NRG2: variants seen among roughly 807,000 people sequenced by gnomAD.
The protein encoded by NRG2 is neuregulin 2.
A neutral mutation model predicts 73.9 loss-of-function variants in NRG2; 27 were observed. The observed-to-expected ratio is 0.37, with a 90% CI of 0.27 to 0.50. The LOEUF (loss-of-function observed/expected upper bound fraction) is 0.50, where lower values mean the gene tolerates loss of function less well. Ranked by LOEUF, NRG2 falls within the 20% of genes least tolerant of loss-of-function variation. NRG2 has a pLI of 0.96. For missense variants in NRG2, 1,126 were observed against 1,210.1 expected, an observed-to-expected ratio of 0.93 and a Z score of 1.03; for synonymous variants, 532 against 541.0, an observed-to-expected ratio of 0.98 and a Z score of 0.23.
At position 139,848,505 on chromosome 5, in the gene NRG2, G is replaced by C. The variant is rs1384458603; in HGVS notation, c.1965C>G (p.Gly655=). 2 of 1,377,338 alleles carry C rather than the reference G, an allele frequency of 1.5e-6. No homozygotes were observed. The highest frequency in any genetic ancestry group is 1.9e-6 in the Non-Finnish European group (2 of 1,078,192). 85.3% of individuals were successfully genotyped at this position (1,377,338 alleles called of 1,614,324 possible). ...GCCCGGGCCCGGGTCCGGGTCCCGG[G>C]CCGGGGGGCGCCGGGTGCCGCAGTA... ...QPLLRHPAPP[G]PGPGPGPGPG... Residue 655 remains glycine (G), a synonymous_variant, in exon 10 of 10, where the codon GGC becomes GGG. Coordinates refer to ENST00000361474, the MANE Select transcript of NRG2 (RefSeq NM_004883.3).
In NRG2 at chr5:140,008,364, G is replaced by T. The variant is rs114108563; in HGVS notation, c.700+34006C>A. ...ATAGCTGACCACACAACTGTTTGCTGCATTTATTCAACAAATATTTATTGA... is the reference window on the plus strand; with the variant it reads ...ATAGCTGACCACACAACTGTTTGCTTCATTTATTCAACAAATATTTATTGA... On this transcript the variant is annotated intron_variant, in intron 1 of 9. Coordinates refer to ENST00000361474, the MANE Select transcript of NRG2 (RefSeq NM_004883.3). The surrounding 1 kb of genome is among the most constrained non-coding windows in gnomAD (Gnocchi z 4.2). Among the ~76,000 whole-genome samples the T allele has an allele frequency of 9.5e-4, 145 of 152,282 alleles. 1 individual carries two copies. Among genetic ancestry groups the T allele is most frequent in the African/African-American group, 3.2e-3 (133 of 41,558 alleles).
chr5:139,858,952 C>T (rs1581784717), intron 5 of NRG2, among the ~76,000 whole-genome samples: 1 of 152,116 alleles, frequency 6.6e-6, no homozygotes, highest in Admixed American at 6.5e-5. Context: ...GCTAGGAGGC[C>T]TCCCCAAATC....
At chr5:139,938,949 GAAAGAAAGAAAA>G (rs1753131068) in intron 1 of NRG2, among the ~76,000 whole-genome samples, 6 of 105,226 alleles carry the variant, frequency 5.7e-5, no homozygotes, top group South Asian at 3.2e-4. Flanking sequence ...AAGAAAGAAA[GAAAGAAAGAAAA>G]AAGAAGGAAG....
At chr5:140,033,895 A>G (rs1187086717) in intron 1 of NRG2, among the ~76,000 whole-genome samples, 2 of 152,196 alleles carry the variant, frequency 1.3e-5, no homozygotes, top group Non-Finnish European at 2.9e-5. Flanking sequence ...TTCATTTTAC[A>G]GGAAACTAAG....
At chr5:140,001,783 A>T (rs2126623685) in intron 1 of NRG2, among the ~76,000 whole-genome samples, 1 of 152,202 alleles carries the variant, frequency 6.6e-6, no homozygotes, top group African/African-American at 2.4e-5. Flanking sequence ...GGATCGTGTA[A>T]GCCCAAGAGT....
At chr5:139,864,740 T>G (rs1762371903) in intron 5 of NRG2, among the ~76,000 whole-genome samples, 2 of 147,576 alleles carry the variant, frequency 1.4e-5, no homozygotes, top group African/African-American at 5.3e-5. Context: ...ACTTTTTTTC[T>G]CTCTCAAACA....
rs1753146216 is a variant in NRG2, at chr5:139,938,977, GAAGGAAGGAAAGGAAGGAAGC to G, written c.701-51487_701-51467del. 3.6e-5 allele frequency among the ~76,000 whole-genome samples: 5 copies of G among 139,548 alleles called. 1 individual carries two copies. Among genetic ancestry groups the G allele is most frequent in the African/African-American group, 1.4e-4 (5 of 36,142 alleles). The allele number at this position is 139,548 out of a possible 152,430, so 91.5% of individuals were successfully genotyped here. ...AGAAAGAAAAAAGAAGGAAGGAAGG[GAAGGAAGGAAAGGAAGGAAGC>G]AAGGAAGGAAAGGAAGGAAGGAAGC... On this transcript the variant is annotated intron_variant, in intron 1 of 9. Transcript: ENST00000361474.
chr5:139,913,983 T>C (rs1751047634), intron 1 of NRG2, among the ~76,000 whole-genome samples: 2 of 151,630 alleles, frequency 1.3e-5, no homozygotes, highest in Admixed American at 1.3e-4. Context: ...TGAAACTCTG[T>C]CTCTACAAAA....
intron 1 of NRG2, among the ~76,000 whole-genome samples, chr5:140,016,345 T>A (rs1162035907): frequency 6.6e-6 from 1 of 152,210 alleles, no homozygotes; most frequent in Non-Finnish European, 1.5e-5. Flanking sequence ...ACCAGATAAT[T>A]TAACTATACG....
rs943968922 is a variant in NRG2, at chr5:139,847,458, C to G, written c.*459G>C. The G allele has an allele frequency of 8.5e-5, 13 of 152,466 alleles. No individual in the cohort carries two copies. The highest frequency in any genetic ancestry group is 5.2e-4 in the Admixed American group (8 of 15,268). 9.4% of individuals were successfully genotyped at this position (152,466 alleles called of 1,614,324 possible). Reference sequence around the variant, plus strand: ...AGCAAAGCTACTTCCGTCCTCAGTTCTTCCTTAGGGCCAACCCCCCACCGC... The same window carrying G: ...AGCAAAGCTACTTCCGTCCTCAGTTGTTCCTTAGGGCCAACCCCCCACCGC... On this transcript the variant is annotated 3_prime_UTR_variant, in exon 10 of 10. Transcript: ENST00000361474.
At position 139,851,561 on chromosome 5, in the gene NRG2, C is replaced by G. The variant is rs774490805; in HGVS notation, c.1772+43G>C. On this transcript the variant is annotated intron_variant, in intron 9 of 9. Coordinates refer to ENST00000361474, the MANE Select transcript of NRG2 (RefSeq NM_004883.3). This position sits in a 1 kb window ranked among gnomAD's most constrained non-coding sequence, Gnocchi z 4.2. ...GTCAGCCTTGGGCCAGTGGTGCCAGCCCTCTGGCTAAGCGGGGAATAGGTC... is the reference window on the plus strand; with the variant it reads ...GTCAGCCTTGGGCCAGTGGTGCCAGGCCTCTGGCTAAGCGGGGAATAGGTC... 1 of 1,584,772 alleles carries G rather than the reference C, an allele frequency of 6.3e-7. No individual in the cohort carries two copies. Among genetic ancestry groups the G allele is most frequent in the African/African-American group, 1.3e-5 (1 of 74,558 alleles).
intron 3 of NRG2, among the ~76,000 whole-genome samples, chr5:139,876,886 AT>A (rs1202654490): frequency 6.6e-6 from 1 of 151,486 alleles, no homozygotes; most frequent in Non-Finnish European, 1.5e-5. Context: ...ATCTTGTTGA[AT>A]AAGCGCTTCT....
chr5:139,925,257 C>A (rs1330575164), intron 1 of NRG2, among the ~76,000 whole-genome samples: 1 of 152,212 alleles, frequency 6.6e-6, no homozygotes, highest in African/African-American at 2.4e-5. Flanking sequence ...CTGACTGAGG[C>A]TGCACTGTAC....
At chr5:139,977,950 G>T (rs1756502166) in intron 1 of NRG2, among the ~76,000 whole-genome samples, 1 of 152,106 alleles carries the variant, frequency 6.6e-6, no homozygotes, top group Non-Finnish European at 1.5e-5. Flanking sequence ...AATTCAGGAT[G>T]GATTAAAGAC....
intron 1 of NRG2, among the ~76,000 whole-genome samples, chr5:139,968,795 C>T (rs990165653): frequency 1.3e-5 from 2 of 152,260 alleles, no homozygotes; most frequent in African/African-American, 2.4e-5. Flanking sequence ...CACAGGGCAG[C>T]AGAGGCATCC....
chr5:139,938,888 GAAAGAAAGAAAGAAAGAAA>G (rs1561693719), intron 1 of NRG2, among the ~76,000 whole-genome samples: 8 of 67,672 alleles, frequency 1.2e-4, no homozygotes, highest in African/African-American at 5.4e-4. Context: ...GAGAAGGAAA[GAAAGAAAGAAAGAAAGAAA>G]AGAAAGAAAG....
chr5:140,015,310 T>A (rs868041053), intron 1 of NRG2, among the ~76,000 whole-genome samples: 2 of 152,242 alleles, frequency 1.3e-5, no homozygotes, highest in Non-Finnish European at 2.9e-5. Context: ...GAAGTTTTAA[T>A]ATATAGGAGG....
At chr5:139,981,791 G>A (rs907397812) in intron 1 of NRG2, among the ~76,000 whole-genome samples, 1 of 152,242 alleles carries the variant, frequency 6.6e-6, no homozygotes, top group African/African-American at 2.4e-5. Flanking sequence ...CAGGCTGTGG[G>A]CTTTGTAGAC....
intron 1 of NRG2, among the ~76,000 whole-genome samples, chr5:140,040,875 A>T (rs1761862233): frequency 6.6e-6 from 1 of 152,202 alleles, no homozygotes; most frequent in Non-Finnish European, 1.5e-5. Context: ...AGTCAACAAT[A>T]TTCCTAAGGA....
Sources: gnomAD v4.1 joint callset for allele counts (sites outside exome capture counted in the v4.1 genomes callset) on GRCh38, gnomAD v4.1.1 for gene constraint, Gnocchi (gnomAD v3.1) non-coding constraint, MANE v1.5 for transcripts, NCBI Gene and HGNC (gene_info 2026-07-23, HGNC 2026-07-21) for gene names.